TPRG1: variants seen among roughly 807,000 people sequenced by gnomAD.
The protein encoded by TPRG1 is tumor protein p63-regulated gene 1 protein.
TPRG1 carries 29 observed loss-of-function variants against 29.3 expected under a neutral mutation model. The ratio of observed to expected loss-of-function variants is 0.99; its 90% CI spans 0.74 to 1.35. The LOEUF (loss-of-function observed/expected upper bound fraction) is 1.35. Ranked by LOEUF, TPRG1 falls within the 40% of genes most tolerant of loss-of-function variation. The pLI, the probability that TPRG1 is intolerant of heterozygous loss-of-function variation, is 0.00. For missense variants in TPRG1, 327 were observed against 335.0 expected, an observed-to-expected ratio of 0.98 and a Z score of 0.19; for synonymous variants, 130 against 116.8, an observed-to-expected ratio of 1.11 and a Z score of -0.73.
At chr3:189,164,206 A>G (rs1727856847) in intron 5 of TPRG1, among the ~76,000 whole-genome samples, 1 of 151,996 alleles carries the variant, frequency 6.6e-6, no homozygotes, top group Non-Finnish European at 1.5e-5. Flanking sequence ...TCTGTCACCC[A>G]GGCTGGAGTG....
intron 1 of TPRG1, among the ~76,000 whole-genome samples, chr3:189,198,147 A>G (rs567127795): frequency 6.6e-6 from 1 of 152,260 alleles, no homozygotes; most frequent in South Asian, 2.1e-4. Context: ...CTGACATCTC[A>G]ATTGCACACA....
At chr3:189,157,673 C>T (rs80208656) in intron 5 of TPRG1, among the ~76,000 whole-genome samples, 7,782 of 152,198 alleles carry the variant, frequency 0.051, 284 homozygotes, top group Middle Eastern at 0.11. Flanking sequence ...TTGACCCTCC[C>T]GAAGGAAGTT....
chr3:189,206,888 T>C (rs1305739121), intron 1 of TPRG1, among the ~76,000 whole-genome samples: 2 of 152,068 alleles, frequency 1.3e-5, no homozygotes, highest in Admixed American at 1.3e-4. Context: ...ATTATTTTCT[T>C]AGAATAAATT....
intron 4 of TPRG1, among the ~76,000 whole-genome samples, chr3:189,289,558 A>T (rs752633421): frequency 1.3e-5 from 2 of 152,086 alleles, no homozygotes; most frequent in Non-Finnish European, 1.5e-5. Context: ...ATGTCATTTA[A>T]ATTATCTTTC....
intron 1 of TPRG1, among the ~76,000 whole-genome samples, chr3:189,102,951 C>G (rs553686667): frequency 1.4e-4 from 22 of 152,236 alleles, no homozygotes; most frequent in African/African-American, 5.3e-4. Context: ...GGCTAACTTC[C>G]TCTTAAACTT....
intron 4 of TPRG1, among the ~76,000 whole-genome samples, chr3:189,295,968 G>A (rs1683671832): frequency 6.6e-6 from 1 of 151,424 alleles, no homozygotes. Flanking sequence ...ACCAGGATAG[G>A]AGTTTGCGTT....
chr3:189,323,479 A>T lies in TPRG1; in HGVS notation c.*2659A>T, dbSNP rs1560708157. The T allele has an allele frequency of 6.6e-6, 1 of 152,244 alleles. No individual in the cohort carries two copies. Among genetic ancestry groups the T allele is most frequent in the Non-Finnish European group, 1.5e-5 (1 of 68,002 alleles). The allele number at this position is 152,244 out of a possible 1,614,324, so 9.4% of individuals were successfully genotyped here. On this transcript the variant is annotated 3_prime_UTR_variant, in exon 6 of 6. Transcript: ENST00000345063. ...TTCTTTTATTAAACAGAAAGTTTTG[A>T]GTATTTGCCTAGAGAGTGATGTGAC...
chr3:189,063,991 A>G lies in TPRG1; in HGVS notation c.-463+40045A>G, dbSNP rs150918201. Among the ~76,000 whole-genome samples the G allele has an allele frequency of 5.3e-4, 81 of 152,330 alleles. 1 individual carries two copies. Among genetic ancestry groups the G allele is most frequent in the African/African-American group, 1.9e-3 (79 of 41,590 alleles). On this transcript the variant is annotated intron_variant, in intron 4 of 10. Transcript: ENST00000433971. ...GAAAATCAGGCACAAGCTTCTAAGA[A>G]TATTCTTCTAGTGGAGTCACTAGAA...
intron 4 of TPRG1, among the ~76,000 whole-genome samples, chr3:189,026,452 A>G (rs888840237): frequency 3.9e-5 from 6 of 152,176 alleles, no homozygotes; most frequent in Non-Finnish European, 7.3e-5. Context: ...GGGCCACACA[A>G]TTCAGTCTAT....
At chr3:189,226,917 G>T (rs1027258788) in intron 3 of TPRG1, among the ~76,000 whole-genome samples, 1 of 151,808 alleles carries the variant, frequency 6.6e-6, no homozygotes, top group African/African-American at 2.4e-5. Flanking sequence ...GACAATAAGG[G>T]ATTATAGCTA....
chr3:189,286,074 C>T lies in TPRG1; in HGVS notation c.480-24312C>T, dbSNP rs972811343. The stretch of plus-strand genomic sequence containing the variant: ...ACCTTCAAGCTCACTCTGCTAGAAA[C>T]ATGCTGGCTTCCTTGGTACTTCTTT... On this transcript the variant is annotated intron_variant, in intron 4 of 5. Transcript: ENST00000345063. Among the ~76,000 whole-genome samples, 7 of 152,086 alleles carry T rather than the reference C, an allele frequency of 4.6e-5. 1 individual carries two copies. Among genetic ancestry groups the T allele is most frequent in the Admixed American group, 2.6e-4 (4 of 15,242 alleles).
At chr3:189,108,795 G>A (rs1720129506) in intron 1 of TPRG1, among the ~76,000 whole-genome samples, 1 of 152,204 alleles carries the variant, frequency 6.6e-6, no homozygotes, top group South Asian at 2.1e-4. Flanking sequence ...CTGTAAAAGA[G>A]AGTGCAATAA....
intron 1 of TPRG1, among the ~76,000 whole-genome samples, chr3:189,179,319 G>A (rs1478490639): frequency 6.6e-6 from 1 of 152,118 alleles, no homozygotes; most frequent in African/African-American, 2.4e-5. Flanking sequence ...GGAAAGCTTT[G>A]CACACCATTT....
chr3:189,004,573 C>T (rs1712191164), exon 3 of TPRG1: 1 of 152,204 alleles, frequency 6.6e-6, no homozygotes, highest in African/African-American at 2.4e-5. Context: ...GTAGAGGACT[C>T]TGAAGGCTTA....
chr3:189,021,371 G>A (rs960011898), intron 3 of TPRG1, among the ~76,000 whole-genome samples: 184 of 152,016 alleles, frequency 1.2e-3, no homozygotes, highest in Non-Finnish European at 2.2e-3. Flanking sequence ...GGCTGGTACC[G>A]GTTGTTCGTT....
At chr3:189,210,090 T>G (rs1030347331) in intron 2 of TPRG1, among the ~76,000 whole-genome samples, 3 of 152,156 alleles carry the variant, frequency 2.0e-5, no homozygotes, top group African/African-American at 4.8e-5. Flanking sequence ...TAATGGGTGG[T>G]AGTTGAAAAA....
At chr3:189,116,952 T>C (rs561378082) in intron 1 of TPRG1, among the ~76,000 whole-genome samples, 5 of 152,230 alleles carry the variant, frequency 3.3e-5, no homozygotes, top group South Asian at 2.1e-4. Flanking sequence ...TTACCACAAC[T>C]AAAAATACAA....
intron 3 of TPRG1, among the ~76,000 whole-genome samples, chr3:189,019,686 A>G (rs1230519463): frequency 6.6e-6 from 1 of 151,912 alleles, no homozygotes; most frequent in Non-Finnish European, 1.5e-5. Flanking sequence ...TATTGGTCTA[A>G]AATTCTCTTT....
In TPRG1 at chr3:189,246,119, G is replaced by T. The variant is rs73061029; in HGVS notation, c.479+7210G>T. Among the ~76,000 whole-genome samples, 8 of 152,136 alleles carry T rather than the reference G, an allele frequency of 5.3e-5. 1 individual carries two copies. The South Asian group carries it at 1.2e-3, about 24-fold the overall frequency. On this transcript the variant is annotated intron_variant, in intron 4 of 5. Coordinates refer to ENST00000345063, the MANE Select transcript of TPRG1 (RefSeq NM_198485.4). ...GGGAGGTAATAGAATCATGGGGGTA[G>T]ATTTTTCCCATGTTTTTCTCTTGAT...
Sources: allele counts gnomAD v4.1 joint callset (sites outside exome capture counted in the v4.1 genomes callset), GRCh38; gene constraint gnomAD v4.1.1; transcripts MANE v1.5; gene names NCBI Gene and HGNC (gene_info 2026-07-23, HGNC 2026-07-21).